The following FAM227A variants were observed in gnomAD, a reference collection of about 807,000 sequenced individuals.
FAM227A encodes protein FAM227A.
In FAM227A, 80 loss-of-function variants were observed where a neutral mutation model predicts 74.7. The observed-to-expected ratio is 1.07, with a 90% CI of 0.89 to 1.29. The LOEUF (loss-of-function observed/expected upper bound fraction) is 1.29. FAM227A is among the 50% of genes most tolerant of loss of function. FAM227A has a pLI of 0.00. For missense variants in FAM227A, 654 were observed against 683.4 expected (o/e 0.96, Z 0.48); for synonymous variants, 237 against 241.8 (o/e 0.98, Z 0.19).
At chr22:38,604,087 G>A (rs1234332998) in intron 13 of FAM227A, among the ~76,000 whole-genome samples, 1 of 152,142 alleles carries the variant, frequency 6.6e-6, no homozygotes, top group Non-Finnish European at 1.5e-5. Context: ...AGCACTTTGG[G>A]AGGCCGAAGG....
chr22:38,600,316 G>GTGTA (rs374597354), intron 13 of FAM227A, among the ~76,000 whole-genome samples: 3 of 147,486 alleles, frequency 2.0e-5, no homozygotes, highest in East Asian at 2.0e-4. Context: ...GTGTATGTAT[G>GTGTA]TATATATATA....
chr22:38,586,412 C>T (rs1406865515), intron 16 of FAM227A, among the ~76,000 whole-genome samples: 1 of 152,078 alleles, frequency 6.6e-6, no homozygotes, highest in Non-Finnish European at 1.5e-5. Context: ...CATCTTTCAC[C>T]AGTACTGACA....
chr22:38,645,566 G>A lies in FAM227A; in HGVS notation c.222C>T (p.Ser74=). 6.4e-7 allele frequency: 1 copy of A among 1,550,676 alleles called. No individual in the cohort carries two copies. Among genetic ancestry groups the A allele is most frequent in the South Asian group, 1.2e-5 (1 of 84,006 alleles). ...INLRTEPSAN[S]LAIERFELEK... ...AGCTCCAGCATAGGTAACTCACCAGGCTGTTGGCCGACGGCTCGGTACGCA... is the reference window on the plus strand; with the variant it reads ...AGCTCCAGCATAGGTAACTCACCAGACTGTTGGCCGACGGCTCGGTACGCA... The change falls in exon 3 of 17, where the codon AGC becomes AGT. Residue 74 remains serine (S), a synonymous_variant. Coordinates refer to ENST00000535113, the MANE Select transcript of FAM227A (RefSeq NM_001013647.2).
At chr22:38,638,676 C>G (rs2092052053) in intron 5 of FAM227A, 70 bp downstream of exon 5, 5 of 1,151,046 alleles carry the variant, frequency 4.3e-6, no homozygotes, top group Middle Eastern at 1.9e-4. Context: ...TTCTCCTCCC[C>G]AGGAATAAAA....
intron 11 of FAM227A, among the ~76,000 whole-genome samples, chr22:38,618,106 TGA>T (rs1300801453): frequency 1.3e-5 from 2 of 152,166 alleles, no homozygotes; most frequent in Non-Finnish European, 2.9e-5. Context: ...ACCCTGAGGA[TGA>T]GAGTGAAGGG....
chr22:38,633,789 C>G (rs368678831), intron 6 of FAM227A, among the ~76,000 whole-genome samples: 1 of 152,144 alleles, frequency 6.6e-6, no homozygotes, highest in Non-Finnish European at 1.5e-5. Context: ...ATCCAACCAC[C>G]TTTGCCTCCC....
chr22:38,621,604 A>T (rs1235662157), intron 10 of FAM227A, among the ~76,000 whole-genome samples: 1 of 152,056 alleles, frequency 6.6e-6, no homozygotes, highest in African/African-American at 2.4e-5. Context: ...GACTCCAAAA[A>T]ACCAAAAAGT....
At chr22:38,615,702 G>A (rs2091561405) in intron 11 of FAM227A, among the ~76,000 whole-genome samples, 1 of 152,190 alleles carries the variant, frequency 6.6e-6, no homozygotes, top group Non-Finnish European at 1.5e-5. Flanking sequence ...AGCGAGACTG[G>A]ATTTTATTCC....
intron 16 of FAM227A, among the ~76,000 whole-genome samples, chr22:38,590,279 CAAAAAAAAAAAAA>C (rs71197120): frequency 3.4e-5 from 2 of 58,026 alleles, no homozygotes; most frequent in Admixed American, 2.0e-4. Context: ...GACTCCATCT[CAAAAAAAAAAAAA>C]AAAAAAAAAA....
At chr22:38,636,731 G>T in intron 5 of FAM227A, 134 bp from the exon 6 acceptor site, 1 of 749,898 alleles carries the variant, frequency 1.3e-6, no homozygotes, top group Non-Finnish European at 2.0e-6. Flanking sequence ...GGGTGTTTAG[G>T]ATCCTAGGAC....
chr22:38,608,958 G>A lies in FAM227A; in HGVS notation c.1039-1482C>T, dbSNP rs145360995. On this transcript the variant is annotated intron_variant, in intron 11 of 16. Transcript: ENST00000535113. Reference sequence around the variant, plus strand: ...TTACAGGTGTGTGCCACCACACCCAGCTAATTTTGTATTTTTAGGAGACAA... The same window carrying A: ...TTACAGGTGTGTGCCACCACACCCAACTAATTTTGTATTTTTAGGAGACAA... 1.0e-2 allele frequency among the ~76,000 whole-genome samples: 1,514 copies of A among 152,022 alleles called. 31 individuals carry two copies. The highest frequency in any genetic ancestry group is 0.035 in the African/African-American group (1,466 of 41,436).
intron 3 of FAM227A, among the ~76,000 whole-genome samples, chr22:38,643,647 G>A (rs2092164471): frequency 6.6e-6 from 1 of 152,024 alleles, no homozygotes; most frequent in Non-Finnish European, 1.5e-5. Context: ...TGTGCTCCCT[G>A]GTATTTACTT....
chr22:38,598,453 A>G (rs1437481584), intron 14 of FAM227A, among the ~76,000 whole-genome samples: 1 of 152,228 alleles, frequency 6.6e-6, no homozygotes, highest in Non-Finnish European at 1.5e-5. Flanking sequence ...CCACTACACT[A>G]AACTGTCTTT....
rs1401525542 is a variant in FAM227A, at chr22:38,639,743, A to C, written c.226-19T>G. On this transcript the variant is annotated intron_variant, in intron 3 of 16. Coordinates refer to ENST00000535113, the MANE Select transcript of FAM227A (RefSeq NM_001013647.2). ...CAATTGCCTTCAAAAACCAAGAAAA[A>C]GGGGGGCATTAGGGATTAATGCAAA... The C allele has an allele frequency of 4.0e-6, 6 of 1,496,066 alleles. No individual in the cohort carries two copies. The East Asian group carries it at 1.2e-4, about 31-fold the overall frequency. The allele number at this position is 1,496,066 out of a possible 1,614,324, so 92.7% of individuals were successfully genotyped here. A position where few individuals can be genotyped will look rare whatever the true frequency, so the allele number is the denominator to read the frequency against.
intron 12 of FAM227A, 51 bp downstream of exon 12, chr22:38,607,338 G>T: frequency 7.3e-7 from 1 of 1,372,770 alleles, no homozygotes; most frequent in Non-Finnish European, 1.0e-6. Flanking sequence ...GGGTTTTGGA[G>T]ACAATAACTA....
intron 5 of FAM227A, 42 bp from the exon 6 acceptor site, chr22:38,636,639 T>A: frequency 6.5e-7 from 1 of 1,532,170 alleles, no homozygotes; most frequent in East Asian, 2.5e-5. Flanking sequence ...GTTCACATTT[T>A]GACAGTGTGA....
intron 3 of FAM227A, among the ~76,000 whole-genome samples, chr22:38,644,039 G>A (rs966385040): frequency 1.3e-5 from 2 of 151,484 alleles, no homozygotes; most frequent in Non-Finnish European, 2.9e-5. Context: ...TCCAGCTATC[G>A]GGAGGCTGAG....
rs2092054294 is a variant in FAM227A, at chr22:38,638,798, T to C, written c.320A>G (p.Tyr107Cys). ...TCTGAGTTCGGAGCCTTTGCAGGAA[T>C]ACTGAGATTTCCTTTGTCTCTTGAC... is the stretch of plus-strand genomic sequence containing the variant. The part of the protein sequence containing the change: ...DKVKRQRKSQ[Y>C]SCKGSELRHA... Residue 107 changes from tyrosine to cysteine, a missense_variant, in exon 5 of 17, where the codon TAT becomes TGT. By Grantham distance (194) the Tyr-to-Cys change is radical. Transcript: ENST00000535113. 6.5e-7 allele frequency: 1 copy of C among 1,536,958 alleles called. No homozygotes were observed. Among genetic ancestry groups the C allele is most frequent in the South Asian group, 1.2e-5 (1 of 81,056 alleles).
intron 9 of FAM227A, among the ~76,000 whole-genome samples, chr22:38,623,926 T>G (rs1051119606): frequency 2.0e-5 from 3 of 152,198 alleles, no homozygotes; most frequent in African/African-American, 7.2e-5. Context: ...TGAGCCACTA[T>G]GCAAAGCTGC....
Sources: allele counts gnomAD v4.1 joint callset (sites outside exome capture counted in the v4.1 genomes callset), GRCh38; gene constraint gnomAD v4.1.1; transcripts MANE v1.5; gene names NCBI Gene and HGNC (gene_info 2026-07-23, HGNC 2026-07-21).